KLF16: variants seen among roughly 807,000 people sequenced by gnomAD.
KLF16 encodes Krueppel-like factor 16.
KLF16 carries 6 observed loss-of-function variants against 6.1 expected under a neutral mutation model. That is an observed-to-expected ratio of 0.98 (90% CI 0.54 to 1.93). KLF16 has a LOEUF of 1.93. KLF16 is among the 30% of genes most tolerant of loss of function. The pLI is 0.01. For synonymous variants in KLF16, 211 were observed against 176.5 expected (o/e 1.20, Z -1.55); for missense variants, 355 against 363.8 (o/e 0.98, Z 0.20).
chr19:1,854,626 G>A lies in KLF16; in HGVS notation c.592C>T (p.Arg198Cys). 1 of 1,598,756 alleles carries A rather than the reference G, an allele frequency of 6.3e-7. No individual in the cohort carries two copies. The highest frequency in any genetic ancestry group is 8.5e-7 in the Non-Finnish European group (1 of 1,179,224). Residue 198 changes from arginine (R) to cysteine (C), a missense_variant, in exon 2 of 2, where the codon CGC becomes TGC. Coordinates refer to ENST00000250916, the MANE Select transcript of KLF16 (RefSeq NM_031918.4). ...SCPLCSKRFT[R>C]SDHLAKHARR... ...GCGTGCTTGGCCAGGTGGTCACTGC[G>A]GGTGAAGCGCTTGGAGCACAGAGGG...
At chr19:1,873,740 CCT>C in the KLF16 span, among the ~76,000 whole-genome samples, 2 of 152,214 alleles carry the variant, frequency 1.3e-5, no homozygotes, top group African/African-American at 4.8e-5. Flanking sequence ...GCTGGCCTCC[CCT>C]GTCGCCACCC....
rs2012110675 is a variant in KLF16, at chr19:1,863,288, G to A, written c.210C>T (p.Pro70=). Reference sequence around the variant, plus strand: ...GCAGGTGGGGCGCCGCGGCGGCGCCGGGGCCCGGGCCAGAAGCGGCGGGGG... The same window carrying A: ...GCAGGTGGGGCGCCGCGGCGGCGCCAGGGCCCGGGCCAGAAGCGGCGGGGG... ...PPPPAASGPG[P]GAAAAPHLLA... The change falls in exon 1 of 2, where the codon CCC becomes CCT. Residue 70 remains proline, a synonymous_variant. Transcript: ENST00000250916. 1.0e-6 allele frequency: 1 copy of A among 985,194 alleles called. No homozygotes were observed. Among genetic ancestry groups the A allele is most frequent in the Non-Finnish European group, 1.2e-6 (1 of 831,698 alleles). The allele number at this position is 985,194 out of a possible 1,614,324, so 61.0% of individuals were successfully genotyped here.
intron 1 of KLF16, among the ~76,000 whole-genome samples, chr19:1,856,112 G>A (rs921176835): frequency 2.0e-5 from 3 of 152,188 alleles, no homozygotes; most frequent in Non-Finnish European, 4.4e-5. Flanking sequence ...CACTCCCACC[G>A]GTCCATGAAG....
chr19:1,867,988 A>G (rs1294410540), upstream of KLF16, among the ~76,000 whole-genome samples: 1 of 151,626 alleles, frequency 6.6e-6, no homozygotes, highest in Non-Finnish European at 1.5e-5. Context: ...TGGAACTGCC[A>G]TATCTTCTTG....
chr19:1,856,963 G>GC lies in KLF16; in HGVS notation c.458-2204dup, dbSNP rs1555830626. Among the ~76,000 whole-genome samples, 17 of 117,466 alleles carry GC rather than the reference G, an allele frequency of 1.4e-4. 4 individuals are homozygous for GC. The highest frequency in any genetic ancestry group is 7.1e-4 in the African/African-American group (16 of 22,582). 77.1% of individuals were successfully genotyped at this position (117,466 alleles called of 152,430 possible). On this transcript the variant is annotated intron_variant, in intron 1 of 1. Coordinates refer to ENST00000250916, the MANE Select transcript of KLF16 (RefSeq NM_031918.4). The stretch of plus-strand genomic sequence containing the variant: ...GGAGCAGGTTGCCGGGGTGGGGGGG[G>GC]CGACCGGGGCAGGGGCGCGCAGCCG...
chr19:1,864,513 T>G (rs2012151845), upstream of KLF16, among the ~76,000 whole-genome samples: 1 of 144,050 alleles, frequency 6.9e-6, no homozygotes, highest in African/African-American at 2.6e-5. Context: ...CCACTGGGGG[T>G]GGGGAGGGCC....
At position 1,863,489 on chromosome 19, in the gene KLF16, C is replaced by A; in HGVS notation, c.9G>T (p.Ala3=). ...CGAAGTAATCCACGCACGCCACGGC[C>A]GCCGACATGCCGAGCAAGGGCGCGC... MS[A]AVACVDYFAA... The change falls in exon 1 of 2, where the codon GCG becomes GCT. Residue 3 remains alanine, a synonymous_variant. Coordinates refer to ENST00000250916, the MANE Select transcript of KLF16 (RefSeq NM_031918.4). The A allele has an allele frequency of 2.0e-6, 2 of 1,019,632 alleles. 1 individual carries two copies. Among genetic ancestry groups the A allele is most frequent in the South Asian group, 6.6e-5 (2 of 30,188 alleles). 63.2% of individuals were successfully genotyped at this position (1,019,632 alleles called of 1,614,324 possible). A position where few individuals can be genotyped will look rare whatever the true frequency, so the allele number is the denominator to read the frequency against.
chr19:1,855,136 C>T (rs1216092995), intron 1 of KLF16, among the ~76,000 whole-genome samples: 2 of 152,206 alleles, frequency 1.3e-5, no homozygotes, highest in East Asian at 1.9e-4. Context: ...CAGTGTCTGT[C>T]CCAGGCACAG....
upstream of KLF16, chr19:1,863,649 C>A: frequency 1.1e-5 from 2 of 177,724 alleles, no homozygotes; most frequent in Non-Finnish European, 1.0e-5. Context: ...TCGGCCTGCC[C>A]CGCCCCGCCT....
chr19:1,860,491 G>A (rs997914384), intron 1 of KLF16: 1 of 152,408 alleles, frequency 6.6e-6, no homozygotes, highest in African/African-American at 2.4e-5. Context: ...GTAAAAATGG[G>A]GCCAGGCCAC....
chr19:1,861,421 C>A (rs1215082170), intron 1 of KLF16: 1 of 152,372 alleles, frequency 6.6e-6, no homozygotes, highest in East Asian at 1.9e-4. Flanking sequence ...CTGCCCACCG[C>A]CCGGAGAGGC....
At chr19:1,854,834 C>A in intron 1 of KLF16, 74 bp from the exon 2 acceptor site, 1 of 1,510,128 alleles carries the variant, frequency 6.6e-7, no homozygotes, top group Non-Finnish European at 9.0e-7. Flanking sequence ...CCAGCAGATC[C>A]CAAAGGGTGG....
intron 1 of KLF16, chr19:1,862,688 G>A (rs1219814246): frequency 6.5e-5 from 16 of 245,996 alleles, no homozygotes; most frequent in Admixed American, 2.3e-4. Context: ...TCCAACCACG[G>A]TGCCCACCGC....
chr19:1,869,930 C>CTTTT, the KLF16 span, among the ~76,000 whole-genome samples: 9 of 109,748 alleles, frequency 8.2e-5, no homozygotes, highest in African/African-American at 1.2e-4. Flanking sequence ...AATACTTTTT[C>CTTTT]TTTTTTTTTT....
intron 1 of KLF16, among the ~76,000 whole-genome samples, chr19:1,855,124 C>T (rs2011921807): frequency 6.6e-6 from 1 of 152,204 alleles, no homozygotes. Context: ...GCAAAGGCCT[C>T]CCAGTGTCTG....
At chr19:1,866,898 A>T (rs1473200216), upstream of KLF16, among the ~76,000 whole-genome samples, 1 of 152,124 alleles carries the variant, frequency 6.6e-6, no homozygotes, top group Non-Finnish European at 1.5e-5. Flanking sequence ...ACTTTGGGGC[A>T]TCCATAACTC....
upstream of KLF16, among the ~76,000 whole-genome samples, chr19:1,867,246 T>C (rs903022671): frequency 6.6e-6 from 1 of 152,004 alleles, no homozygotes; most frequent in Non-Finnish European, 1.5e-5. Flanking sequence ...ACCCACAACA[T>C]GGATACCCCA....
chr19:1,854,501 A>G lies in KLF16; in HGVS notation c.717T>C (p.Pro239=), dbSNP rs941315183. ...CTGGGCTGGGCGCGGGGCTGGGCGC[A>G]GGGCTCCCGGCCAGGCTGCAGGGCA... The part of the protein sequence containing the change: ...DSLPCSLAGS[P]APSPAPSPAP... Residue 239 remains proline (P), a synonymous_variant, in exon 2 of 2, where the codon CCT becomes CCC. Transcript: ENST00000250916. 1.4e-6 allele frequency: 2 copies of G among 1,461,114 alleles called. No homozygotes were observed. Among genetic ancestry groups the G allele is most frequent in the Non-Finnish European group, 1.8e-6 (2 of 1,118,044 alleles). 90.5% of individuals were successfully genotyped at this position (1,461,114 alleles called of 1,614,324 possible). A position where few individuals can be genotyped will look rare whatever the true frequency, so the allele number is the denominator to read the frequency against.
intron 1 of KLF16, chr19:1,862,770 G>A (rs527286307): frequency 1.1e-3 from 395 of 369,600 alleles, no homozygotes; most frequent in Non-Finnish European, 1.6e-3. Flanking sequence ...GGTCTGCCCA[G>A]GAGTCTCAAT....
Sources: allele counts gnomAD v4.1 joint callset (sites outside exome capture counted in the v4.1 genomes callset), GRCh38; gene constraint gnomAD v4.1.1; transcripts MANE v1.5; gene names NCBI Gene and HGNC (gene_info 2026-07-23, HGNC 2026-07-21).